The following MPRIP variants were observed in gnomAD, a reference collection of about 807,000 sequenced individuals.
MPRIP encodes myosin phosphatase Rho interacting protein, also known as myosin phosphatase Rho-interacting protein.
In MPRIP, 59 loss-of-function variants were observed where a neutral mutation model predicts 234.9. The ratio of observed to expected loss-of-function variants is 0.25; its 90% CI spans 0.20 to 0.31. The LOEUF is 0.31. MPRIP is among the 10% of genes least tolerant of loss of function. MPRIP has a pLI of 1.00. For synonymous variants in MPRIP, 1,144 were observed against 1,263.9 expected (o/e 0.91, Z 2.01); for missense variants, 2,436 against 3,071.0 (o/e 0.79, Z 4.89).
intron 6 of MPRIP, 45 bp downstream of exon 6, chr17:17,136,495 C>T: frequency 1.3e-6 from 2 of 1,551,438 alleles, no homozygotes; most frequent in Non-Finnish European, 1.8e-6. Flanking sequence ...AATGGCCCTC[C>T]CTCCCATCAG....
intron 3 of MPRIP, among the ~76,000 whole-genome samples, chr17:17,081,809 A>C (rs1206057064): frequency 1.3e-5 from 2 of 152,074 alleles, no homozygotes; most frequent in Admixed American, 6.5e-5. Context: ...CTTTTTTGGG[A>C]AATTTCTTTC....
At chr17:17,135,348 G>T (rs1176039988) in intron 5 of MPRIP, among the ~76,000 whole-genome samples, 1 of 152,220 alleles carries the variant, frequency 6.6e-6, no homozygotes, top group African/African-American at 2.4e-5. Context: ...CTGGGCTACT[G>T]GCTTGTATCT....
chr17:17,114,162 G>A (rs2090233545), intron 3 of MPRIP, among the ~76,000 whole-genome samples: 1 of 152,020 alleles, frequency 6.6e-6, no homozygotes, highest in African/African-American at 2.4e-5. Context: ...TGAAGTGCTA[G>A]GTGACTTTCA....
intron 3 of MPRIP, among the ~76,000 whole-genome samples, chr17:17,101,763 G>C (rs942196287): frequency 1.3e-5 from 2 of 152,262 alleles, no homozygotes; most frequent in Non-Finnish European, 2.9e-5. Context: ...CCGTAGGGTA[G>C]GTACTGCTAT....
chr17:17,136,060 C>T (rs1265057670), intron 5 of MPRIP, among the ~76,000 whole-genome samples, 159 bp from the exon 6 acceptor site: 1 of 152,254 alleles, frequency 6.6e-6, no homozygotes, highest in Non-Finnish European at 1.5e-5. Context: ...AAAGCAACTA[C>T]TGTGGTCTCA....
At chr17:17,132,515 G>A (rs1483962920) in intron 5 of MPRIP, among the ~76,000 whole-genome samples, 1 of 152,216 alleles carries the variant, frequency 6.6e-6, no homozygotes, top group African/African-American at 2.4e-5. Context: ...GGAGCAGGGT[G>A]GGGATGGGGG....
Position 17,072,084 on chromosome 17 carries a change from G to A in MPRIP, c.124-3626G>A, listed in dbSNP as rs538023242. 4.6e-5 allele frequency among the ~76,000 whole-genome samples: 7 copies of A among 152,338 alleles called. No individual in the cohort carries two copies. In the East Asian group the frequency reaches 1.4e-3, roughly 29 times the overall value. ...GAAGAGAATACTTTAGGGCCTTTTA[G>A]AGGTGCTGCCCCAGGACCAGGTGGG... On this transcript the variant is annotated intron_variant, in intron 1 of 23. Transcript: ENST00000651222.
chr17:17,170,441 G>T (rs557739181), intron 16 of MPRIP, among the ~76,000 whole-genome samples: 7 of 152,168 alleles, frequency 4.6e-5, no homozygotes, highest in Non-Finnish European at 8.8e-5. Context: ...CAATAGCTGA[G>T]ACATTCACCC....
chr17:17,137,979 A>G lies in MPRIP; in HGVS notation c.800A>G (p.Tyr267Cys), dbSNP rs969829448. ...CGRKVRVESG[Y>C]FSLEKTKQDL... Reference sequence around the variant, plus strand: ...CGCAAAGTCCGGGTGGAGAGCGGCTACTTCTCTCTGGAGAAGACCAAACAG... The same window carrying G: ...CGCAAAGTCCGGGTGGAGAGCGGCTGCTTCTCTCTGGAGAAGACCAAACAG... The change falls in exon 7 of 24, where the codon TAC (tyrosine) becomes TGC (cysteine). Residue 267 changes from tyrosine to cysteine, a missense_variant. Transcript: ENST00000651222. 2.1e-5 allele frequency: 34 copies of G among 1,612,670 alleles called. No individual in the cohort carries two copies. Among genetic ancestry groups the G allele is most frequent in the Non-Finnish European group, 2.7e-5 (32 of 1,179,584 alleles).
rs1189169591 is a variant in MPRIP at position 17,165,393 on chromosome 17, G to A, written c.3802G>A (p.Glu1268Lys). The change falls in exon 16 of 24, where the codon GAG (glutamate) becomes AAG (lysine). Residue 1268 changes from glutamate (E) to lysine (K), a missense_variant. Glu to Lys is a moderately conservative substitution (Grantham distance 56, BLOSUM62 1). This residue lies in a region of MPRIP where 1,998 missense variants were observed against 2,520.3 expected (regional missense o/e 0.79). Coordinates refer to ENST00000651222, the MANE Select transcript of MPRIP (RefSeq NM_001364716.4). ...LPHTRLEDED[E>K]DLGAPPGEEY... is the part of the protein sequence containing the mutation. ...ACACACAAGGCTCGAGGATGAGGAC[G>A]AGGACCTGGGGGCTCCTCCGGGGGA... The A allele has an allele frequency of 2.0e-5, 26 of 1,304,076 alleles. No homozygotes were observed. The highest frequency in any genetic ancestry group is 2.5e-5 in the South Asian group (2 of 81,038). The allele number at this position is 1,304,076 out of a possible 1,614,324, so 80.8% of individuals were successfully genotyped here. A position where few individuals can be genotyped will look rare whatever the true frequency, so the allele number is the denominator to read the frequency against.
In MPRIP at chr17:17,190,512, A is replaced by G. The variant is rs1002581028; in HGVS notation, c.*5618A>G. The stretch of plus-strand genomic sequence containing the variant: ...AGGCTCTTTAAAAGGAAAGCCTGGC[A>G]TAAACCCAGCATGGAAAGGAACATT... On this transcript the variant is annotated 3_prime_UTR_variant, in exon 24 of 24. Coordinates refer to ENST00000651222, the MANE Select transcript of MPRIP (RefSeq NM_001364716.4). 1.3e-5 allele frequency: 2 copies of G among 152,298 alleles called. No homozygotes were observed. Among genetic ancestry groups the G allele is most frequent in the African/African-American group, 4.8e-5 (2 of 41,480 alleles). 9.4% of individuals were successfully genotyped at this position (152,298 alleles called of 1,614,324 possible).
intron 3 of MPRIP, among the ~76,000 whole-genome samples, chr17:17,108,208 C>G (rs2090100662): frequency 6.6e-6 from 1 of 152,214 alleles, no homozygotes; most frequent in Non-Finnish European, 1.5e-5. Context: ...TCCAGCATGT[C>G]CATTCACCCC....
At chr17:17,105,615 G>A (rs1036294775) in intron 3 of MPRIP, among the ~76,000 whole-genome samples, 1 of 152,202 alleles carries the variant, frequency 6.6e-6, no homozygotes, top group South Asian at 2.1e-4. Context: ...AGGAGGGCAG[G>A]CAGTCACTCA....
At chr17:17,045,907 G>A (rs2088333774) in intron 1 of MPRIP, among the ~76,000 whole-genome samples, 1 of 151,246 alleles carries the variant, frequency 6.6e-6, no homozygotes, top group Admixed American at 6.6e-5. Context: ...CCAGGTTCAT[G>A]CCATTCTTCT....
intron 1 of MPRIP, among the ~76,000 whole-genome samples, chr17:17,056,962 C>T (rs942315706): frequency 1.3e-5 from 2 of 152,232 alleles, no homozygotes; most frequent in Admixed American, 6.5e-5. Flanking sequence ...GAATTCATTC[C>T]TTGTATGGAT....
Position 17,171,328 on chromosome 17 carries a change from C to A in MPRIP, c.6325-390C>A, listed in dbSNP as rs542877940. 7.3e-5 allele frequency: 13 copies of A among 178,438 alleles called. No individual in the cohort carries two copies. The East Asian group carries it at 2.0e-3, about 28-fold the overall frequency. 11.1% of individuals were successfully genotyped at this position (178,438 alleles called of 1,614,324 possible). ...GTCCCTCCAGACCAGACACAGCCAG[C>A]CTCTGCCCACGTGCTCTCTCTTCCT... On this transcript the variant is annotated intron_variant, in intron 16 of 23. Transcript: ENST00000651222.
In MPRIP at chr17:17,167,468, G is replaced by C. The variant is rs1229905792; in HGVS notation, c.5877G>C (p.Leu1959=). ...AGATTCGGTGTGTGGTGGAGCAGCT[G>C]ACCAGGACCGAGAGCACACTGCAGG... ...EEEIRCVVEQ[L]TRTESTLQAE... is the part of the protein sequence containing the mutation. Residue 1959 remains leucine (L), a synonymous_variant, in exon 16 of 24, where the codon CTG becomes CTC. Coordinates refer to ENST00000651222, the MANE Select transcript of MPRIP (RefSeq NM_001364716.4). This position sits in a 1 kb window ranked among gnomAD's most constrained non-coding sequence, Gnocchi z 5.9. 2 of 1,304,080 alleles carry C rather than the reference G, an allele frequency of 1.5e-6. No homozygotes were observed. Among genetic ancestry groups the C allele is most frequent in the African/African-American group, 3.0e-5 (2 of 65,848 alleles). The allele number at this position is 1,304,080 out of a possible 1,614,324, so 80.8% of individuals were successfully genotyped here. A position where few individuals can be genotyped will look rare whatever the true frequency, so the allele number is the denominator to read the frequency against.
rs999877111 is a variant in MPRIP, at chr17:17,126,846, G to A, written c.412G>A (p.Val138Ile). Residue 138 changes from valine to isoleucine, a missense_variant, in exon 4 of 24, where the codon GTC (valine) becomes ATC (isoleucine). Around this residue, in one of 4 missense-constraint regions of MPRIP, gnomAD observed 140 missense variants for 207.3 expected, o/e 0.68. Coordinates refer to ENST00000651222, the MANE Select transcript of MPRIP (RefSeq NM_001364716.4). ...CATCCGGGCGGAGACCAAGGAGATC[G>A]TCAGTGGGTGAGTATGCTGGCACTG... ...HFIRAETKEI[V>I]SGWLEMLMVY... 1.4e-5 allele frequency: 23 copies of A among 1,613,404 alleles called. No homozygotes were observed. The highest frequency in any genetic ancestry group is 4.5e-5 in the East Asian group (2 of 44,888).
At chr17:17,105,712 G>A (rs1197805418) in intron 3 of MPRIP, among the ~76,000 whole-genome samples, 1 of 152,198 alleles carries the variant, frequency 6.6e-6, no homozygotes, top group African/African-American at 2.4e-5. Flanking sequence ...CCTGGAAACA[G>A]TGTGACTCCA....
Sources: allele counts gnomAD v4.1 joint callset (sites outside exome capture counted in the v4.1 genomes callset), GRCh38; gene constraint gnomAD v4.1.1; regional missense constraint gnomAD v4.1.1; non-coding constraint Gnocchi (gnomAD v3.1); transcripts MANE v1.5; gene names NCBI Gene and HGNC (gene_info 2026-07-23, HGNC 2026-07-21).